Variants in DIAPH1 observed in about 807,000 individuals in gnomAD.
DIAPH1 encodes diaphanous related formin 1.
A neutral mutation model predicts 140.7 loss-of-function variants in DIAPH1; 46 were observed. The ratio of observed to expected loss-of-function variants is 0.33; its 90% CI spans 0.26 to 0.42. The LOEUF (loss-of-function observed/expected upper bound fraction) is 0.42, where lower values mean the gene tolerates loss of function less well. Among genes scored for constraint, DIAPH1 ranks in the 10% least tolerant of loss-of-function variants. DIAPH1 has a pLI of 1.00. For missense variants in DIAPH1, 1,310 were observed against 1,558.7 expected (o/e 0.84, Z 2.69); for synonymous variants, 565 against 551.6 (o/e 1.02, Z -0.34).
At chr5:141,596,225 C>T (rs1439586959) in intron 1 of DIAPH1, among the ~76,000 whole-genome samples, 1 of 151,636 alleles carries the variant, frequency 6.6e-6, no homozygotes, top group Non-Finnish European at 1.5e-5. Flanking sequence ...GCCAGCTACT[C>T]GGGAGGCTGA....
rs200419320 is a variant in DIAPH1 at position 141,526,310 on chromosome 5, C to T, written c.3425G>A (p.Arg1142Gln). 4 of 1,613,990 alleles carry T rather than the reference C, an allele frequency of 2.5e-6. No homozygotes were observed. The highest frequency in any genetic ancestry group is 2.7e-5 in the African/African-American group (2 of 74,890). The change falls in exon 25 of 28, where the codon CGG (arginine) becomes CAG (glutamine). Residue 1142 changes from arginine to glutamine, a missense_variant. This residue lies in a region of DIAPH1 where 344 missense variants were observed against 512.2 expected (regional missense o/e 0.67). Transcript: ENST00000389054. ...TCCCTTGCTCACCAAAAACATATTC[C>T]GAAAATTGTGAAGATCCATGAAAAA... ...EEFFMDLHNFRNMFLQAVKEN... is the reference protein window; with the variant it reads ...EEFFMDLHNFQNMFLQAVKEN...
chr5:141,575,160 G>T lies in DIAPH1; in HGVS notation c.1462-14C>A. The T allele has an allele frequency of 1.2e-6, 2 of 1,613,912 alleles. No homozygotes were observed. Among genetic ancestry groups the T allele is most frequent in the Non-Finnish European group, 8.5e-7 (1 of 1,179,838 alleles). On this transcript the variant is annotated splice_polypyrimidine_tract_variant and intron_variant, in intron 14 of 27. Coordinates refer to ENST00000389054, the MANE Select transcript of DIAPH1 (RefSeq NM_005219.5). ...CTCTGAGTCCAACTAGAGAAAAAAC[G>T]AATCAGGCTCCCAGCAAGCTCTCCA...
In DIAPH1 at chr5:141,618,979, G is replaced by A; in HGVS notation, c.-65C>T. On this transcript the variant is annotated 5_prime_UTR_variant, in exon 1 of 28. Coordinates refer to ENST00000389054, the MANE Select transcript of DIAPH1 (RefSeq NM_005219.5). ...GCTCCCGCCTGGCAGCTCCGCGCCC[G>A]CCGCCGCCCAGTCGCTCTTTAGCCA... is the stretch of plus-strand genomic sequence containing the variant. 2.2e-6 allele frequency: 2 copies of A among 893,132 alleles called. No individual in the cohort carries two copies. Among genetic ancestry groups the A allele is most frequent in the South Asian group, 2.6e-5 (1 of 39,002 alleles). 55.3% of individuals were successfully genotyped at this position (893,132 alleles called of 1,614,324 possible).
chr5:141,529,009 GAGCCTCCTATGGGAGGATC>G (rs2099887816), intron 21 of DIAPH1, 68 bp from the exon 22 acceptor site: 2 of 1,610,684 alleles, frequency 1.2e-6, no homozygotes, highest in Non-Finnish European at 1.7e-6. Context: ...ATACACGCTT[GAGCCTCCTATGGGAGGATC>G]ACAGCTCCAG....
At chr5:141,574,586 T>C (rs1399413174) in intron 15 of DIAPH1, among the ~76,000 whole-genome samples, 2 of 152,196 alleles carry the variant, frequency 1.3e-5, no homozygotes, top group Non-Finnish European at 2.9e-5. Context: ...TCAAAGATCA[T>C]TTAAGTATTT....
In DIAPH1 at chr5:141,567,239, G is replaced by A. The variant is rs1472518814; in HGVS notation, c.2482+4189C>T. ...AAAATGGTGATGGAAAGGTTGGGGT[G>A]TAGAGGGGTATATGAGGGGGCAGTT... is the stretch of plus-strand genomic sequence containing the variant. On this transcript the variant is annotated intron_variant, in intron 18 of 27. Transcript: ENST00000389054. Among the ~76,000 whole-genome samples, 4 of 152,188 alleles carry A rather than the reference G, an allele frequency of 2.6e-5. No individual in the cohort carries two copies. In the East Asian group the frequency reaches 7.7e-4, roughly 29 times the overall value.
At chr5:141,560,834 C>A in intron 18 of DIAPH1, 1 of 456,154 alleles carries the variant, frequency 2.2e-6, no homozygotes, top group South Asian at 1.5e-5. Flanking sequence ...AACTCCCAGC[C>A]CCCAGCCTGA....
chr5:141,578,082 A>G, intron 11 of DIAPH1, 143 bp downstream of exon 11: 1 of 772,714 alleles, frequency 1.3e-6, no homozygotes, highest in Admixed American at 1.8e-5. Flanking sequence ...CAATAAAAAT[A>G]CACCTGCCTT....
chr5:141,573,269 T>C (rs2099895459), intron 16 of DIAPH1, among the ~76,000 whole-genome samples: 2 of 152,018 alleles, frequency 1.3e-5, no homozygotes, highest in South Asian at 4.2e-4. Flanking sequence ...ATCCCGTCTC[T>C]ACTAAAAATA....
At position 141,529,667 on chromosome 5, in the gene DIAPH1, T is replaced by C. The variant is rs56079950; in HGVS notation, c.2612A>G (p.Tyr871Cys). The C allele has an allele frequency of 1.2e-6, 2 of 1,614,142 alleles. No individual in the cohort carries two copies. Among genetic ancestry groups the C allele is most frequent in the Admixed American group, 3.3e-5 (2 of 60,012 alleles). ...CAGGATGACATTCTTAATCTCTTGA[T>C]AGGGCATGCGGAAGGAACCCAAAAA... ...SIFLGSFRMP[Y>C]QEIKNVILEV... is the part of the protein sequence containing the mutation. Residue 871 changes from tyrosine to cysteine, a missense_variant, in exon 20 of 28, where the codon TAT becomes TGT. Around this residue, in one of 3 missense-constraint regions of DIAPH1, gnomAD observed 344 missense variants for 512.2 expected, o/e 0.67. Transcript: ENST00000389054.
intron 1 of DIAPH1, among the ~76,000 whole-genome samples, chr5:141,605,391 C>A (rs1474172758): frequency 6.6e-6 from 1 of 151,990 alleles, no homozygotes; most frequent in Non-Finnish European, 1.5e-5. Context: ...AGGGTTCTTA[C>A]GTATTGTTTC....
intron 1 of DIAPH1, among the ~76,000 whole-genome samples, chr5:141,615,971 A>C (rs1286531842): frequency 6.6e-6 from 1 of 152,042 alleles, no homozygotes; most frequent in Non-Finnish European, 1.5e-5. Flanking sequence ...AAGTCAGAAA[A>C]CCCTCTGTTC....
At position 141,573,513 on chromosome 5, in the gene DIAPH1, G is replaced by A. The variant is rs757635140; in HGVS notation, c.2337C>T (p.Leu779=). The change falls in exon 16 of 28, where the codon CTC becomes CTT. Residue 779 remains leucine, a synonymous_variant. Coordinates refer to ENST00000389054, the MANE Select transcript of DIAPH1 (RefSeq NM_005219.5). ...PKKLYKPEVQ[L]RRPNWSKLVA... ...TTACCTTGGACCAGTTTGGCCTCCG[G>A]AGCTGCACCTCTGGCTTATAAAGCT... 3 of 1,613,498 alleles carry A rather than the reference G, an allele frequency of 1.9e-6. No individual in the cohort carries two copies. Among genetic ancestry groups the A allele is most frequent in the Non-Finnish European group, 2.5e-6 (3 of 1,179,778 alleles).
intron 18 of DIAPH1, among the ~76,000 whole-genome samples, chr5:141,553,809 T>C (rs1324768384): frequency 6.6e-6 from 1 of 152,170 alleles, no homozygotes; most frequent in Admixed American, 6.5e-5. Flanking sequence ...TAGTGAAATC[T>C]GTAGCAGAGG....
chr5:141,592,719 GTA>G (rs1308657525), intron 1 of DIAPH1, among the ~76,000 whole-genome samples: 1 of 152,136 alleles, frequency 6.6e-6, no homozygotes, highest in African/African-American at 2.4e-5. Context: ...GCTGGCTGTG[GTA>G]AATATCTCAC....
At position 141,565,883 on chromosome 5, in the gene DIAPH1, G is replaced by A. The variant is rs2099894294; in HGVS notation, c.2482+5545C>T. 1.3e-5 allele frequency among the ~76,000 whole-genome samples: 2 copies of A among 152,168 alleles called. No individual in the cohort carries two copies. Among genetic ancestry groups the A allele is most frequent in the South Asian group, 4.1e-4 (2 of 4,830 alleles). ...GCTAAGAGAAGAAAGTCTGTCAAAG[G>A]AGGGCCCAGTTTTGTGGTATTCTCC... On this transcript the variant is annotated intron_variant, in intron 18 of 27. Transcript: ENST00000389054. The surrounding 1 kb of genome is among the most constrained non-coding windows in gnomAD (Gnocchi z 4.3).
intron 18 of DIAPH1, among the ~76,000 whole-genome samples, chr5:141,560,233 T>A (rs1049891877): frequency 6.6e-6 from 1 of 152,228 alleles, no homozygotes; most frequent in African/African-American, 2.4e-5. Flanking sequence ...CCCCTGAAAT[T>A]TATTTGTTGA....
intron 18 of DIAPH1, among the ~76,000 whole-genome samples, chr5:141,541,231 A>C (rs191760375): frequency 2.6e-4 from 39 of 152,356 alleles, no homozygotes; most frequent in African/African-American, 8.4e-4. Context: ...ACTCTAGGTA[A>C]ACTTGGAATT....
chr5:141,530,366 C>G (rs2099888028), intron 19 of DIAPH1, among the ~76,000 whole-genome samples: 1 of 152,136 alleles, frequency 6.6e-6, no homozygotes, highest in African/African-American at 2.4e-5. Flanking sequence ...TTCATTTGCT[C>G]TCTACTATGA....
Sources: gnomAD v4.1 joint callset for allele counts (sites outside exome capture counted in the v4.1 genomes callset) on GRCh38, gnomAD v4.1.1 for gene constraint, gnomAD v4.1.1 regional missense constraint, Gnocchi (gnomAD v3.1) non-coding constraint, MANE v1.5 for transcripts, NCBI Gene and HGNC (gene_info 2026-07-23, HGNC 2026-07-21) for gene names.